C1QTNF3: variants seen among roughly 807,000 people sequenced by gnomAD.
C1QTNF3 encodes the protein complement C1q tumor necrosis factor-related protein 3.
C1QTNF3 carries 26 observed loss-of-function variants against 32.6 expected under a neutral mutation model. The observed-to-expected ratio is 0.80, with a 90% CI of 0.58 to 1.11. The LOEUF (loss-of-function observed/expected upper bound fraction) is 1.11, where lower values mean the gene tolerates loss of function less well. C1QTNF3 is among the 50% of genes least tolerant of loss of function. The pLI, the probability that C1QTNF3 is intolerant of heterozygous loss-of-function variation, is 0.00. For missense variants in C1QTNF3, 362 were observed against 398.2 expected (o/e 0.91, Z 0.77); for synonymous variants, 155 against 146.0 (o/e 1.06, Z -0.44).
intron 1 of C1QTNF3, 117 bp from the exon 2 acceptor site, chr5:34,035,875 G>T: frequency 1.4e-6 from 1 of 712,480 alleles, no homozygotes; most frequent in South Asian, 1.8e-5. Flanking sequence ...ATCACAGCAA[G>T]ATCACAAAAG....
At chr5:34,074,742 G>A in the C1QTNF3 span, among the ~76,000 whole-genome samples, 1 of 151,484 alleles carries the variant, frequency 6.6e-6, no homozygotes, top group African/African-American at 2.4e-5. Flanking sequence ...TGTGTTCCTG[G>A]TTGTCCCTGG....
At position 34,043,069 on chromosome 5, in the gene C1QTNF3, A is replaced by G; in HGVS notation, c.57T>C (p.Phe19=). 14 of 1,613,968 alleles carry G rather than the reference A, an allele frequency of 8.7e-6. No homozygotes were observed. Among genetic ancestry groups the G allele is most frequent in the Non-Finnish European group, 1.2e-5 (14 of 1,180,014 alleles). ...WQLLALFFLP[F]CLCQDEYMEV... ...CCATGTATTCATCTTGACACAGGCA[A>G]AAAGGGAGGAAAAACAAAGCCAGCA... The change falls in exon 1 of 6, where the codon TTT becomes TTC. Residue 19 remains phenylalanine, a synonymous_variant. Coordinates refer to ENST00000382065, the MANE Select transcript of C1QTNF3 (RefSeq NM_181435.6).
chr5:34,172,905 T>G, the C1QTNF3 span, among the ~76,000 whole-genome samples: 5 of 152,350 alleles, frequency 3.3e-5, no homozygotes, highest in African/African-American at 1.2e-4. Context: ...TCATAAACAA[T>G]GCTGTGAAAG....
chr5:34,064,503 C>T, the C1QTNF3 span, among the ~76,000 whole-genome samples: 4 of 152,280 alleles, frequency 2.6e-5, no homozygotes, highest in South Asian at 2.1e-4. Flanking sequence ...TGGAACCCAG[C>T]GACCAGTGTT....
chr5:34,056,442 GTGTGTGTGTGTGTA>G, the C1QTNF3 span, among the ~76,000 whole-genome samples: 735 of 51,684 alleles, frequency 0.014, 8 homozygotes, highest in East Asian at 0.021. Flanking sequence ...GTGTGTGTGT[GTGTGTGTGTGTGTA>G]TATATATATA....
chr5:34,213,411 T>C, the C1QTNF3 span, among the ~76,000 whole-genome samples: 2 of 151,924 alleles, frequency 1.3e-5, no homozygotes, highest in African/African-American at 4.8e-5. Flanking sequence ...AGTACCAGGA[T>C]AAAAGAGATT....
At chr5:34,029,246 A>C (rs1205083190) in intron 3 of C1QTNF3, among the ~76,000 whole-genome samples, 1 of 152,146 alleles carries the variant, frequency 6.6e-6, no homozygotes, top group East Asian at 1.9e-4. Flanking sequence ...CTATAGCCAA[A>C]CATTTTAATT....
At chr5:34,042,604 C>A (rs1754895878) in intron 1 of C1QTNF3, among the ~76,000 whole-genome samples, 1 of 152,122 alleles carries the variant, frequency 6.6e-6, no homozygotes, top group African/African-American at 2.4e-5. Context: ...GCCACTATCC[C>A]ATCACATCAT....
chr5:34,115,209 C>T, the C1QTNF3 span, among the ~76,000 whole-genome samples: 1 of 151,976 alleles, frequency 6.6e-6, no homozygotes, highest in African/African-American at 2.4e-5. Flanking sequence ...TTTGTTTCAC[C>T]TTGTTGCTGT....
chr5:34,061,821 C>T, the C1QTNF3 span, among the ~76,000 whole-genome samples: 2 of 152,196 alleles, frequency 1.3e-5, no homozygotes, highest in Admixed American at 6.5e-5. Context: ...CTGTGAAGAC[C>T]TCCAACATGC....
the C1QTNF3 span, among the ~76,000 whole-genome samples, chr5:34,115,904 A>T: frequency 6.6e-6 from 1 of 152,042 alleles, no homozygotes; most frequent in Non-Finnish European, 1.5e-5. Context: ...TAAATCTTTG[A>T]TCATGTTTTT....
the C1QTNF3 span, among the ~76,000 whole-genome samples, chr5:34,070,825 C>CG: frequency 1.8e-4 from 28 of 152,150 alleles, no homozygotes; most frequent in African/African-American, 5.8e-4. Flanking sequence ...AACTGAAACA[C>CG]TGTAAGCAAT....
chr5:34,069,742 T>C, the C1QTNF3 span, among the ~76,000 whole-genome samples: 1 of 152,184 alleles, frequency 6.6e-6, no homozygotes, highest in Non-Finnish European at 1.5e-5. Context: ...CAGACATAGG[T>C]AAGCAAAAGT....
chr5:34,214,989 T>C, the C1QTNF3 span, among the ~76,000 whole-genome samples: 8 of 152,204 alleles, frequency 5.3e-5, no homozygotes, highest in Non-Finnish European at 7.3e-5. Context: ...GCCATATAAA[T>C]GGCTATTAAA....
chr5:34,164,115 A>G, the C1QTNF3 span, among the ~76,000 whole-genome samples: 1 of 152,146 alleles, frequency 6.6e-6, no homozygotes, highest in African/African-American at 2.4e-5. Flanking sequence ...AAAAAGACTG[A>G]TTTGGGAGGC....
chr5:34,033,544 A>C, intron 2 of C1QTNF3, 86 bp from the exon 3 acceptor site: 2 of 1,527,222 alleles, frequency 1.3e-6, no homozygotes, highest in Non-Finnish European at 1.8e-6. Flanking sequence ...AAACTCAATT[A>C]TGAAAGGGGA....
the C1QTNF3 span, among the ~76,000 whole-genome samples, chr5:34,159,507 G>A: frequency 6.6e-6 from 1 of 152,076 alleles, no homozygotes; most frequent in South Asian, 2.1e-4. Context: ...CTGTAAAAAT[G>A]TTCCAAATGC....
chr5:34,127,744 C>T, the C1QTNF3 span, among the ~76,000 whole-genome samples: 4 of 151,694 alleles, frequency 2.6e-5, no homozygotes, highest in East Asian at 5.8e-4. Context: ...TGCACCACCA[C>T]GCCCTGACCT....
the C1QTNF3 span, among the ~76,000 whole-genome samples, chr5:34,063,701 C>T: frequency 1.3e-5 from 2 of 152,156 alleles, no homozygotes; most frequent in African/African-American, 4.8e-5. Context: ...AGGGACAAGA[C>T]CCCCTGGGTT....
Sources: allele counts gnomAD v4.1 joint callset (sites outside exome capture counted in the v4.1 genomes callset), GRCh38; gene constraint gnomAD v4.1.1; transcripts MANE v1.5; gene names NCBI Gene and HGNC (gene_info 2026-07-23, HGNC 2026-07-21).